Variants in ERC2 observed in about 807,000 individuals in gnomAD.
The protein encoded by ERC2 is ELKS/RAB6-interacting/CAST family member 2.
In ERC2, 42 loss-of-function variants were observed where a neutral mutation model predicts 114.8. The observed-to-expected ratio is 0.37, with a 90% confidence interval of 0.29 to 0.47. The LOEUF is 0.47. Ranked by LOEUF, ERC2 falls within the 20% of genes least tolerant of loss-of-function variation. ERC2 has a pLI of 0.99. For synonymous variants in ERC2, 454 were observed against 425.5 expected, an observed-to-expected ratio of 1.07 and a Z score of -0.82; for missense variants, 939 against 1,150.7, an observed-to-expected ratio of 0.82 and a Z score of 2.66.
At chr3:55,682,667 C>A (rs1053247813) in intron 17 of ERC2, among the ~76,000 whole-genome samples, 1 of 152,140 alleles carries the variant, frequency 6.6e-6, no homozygotes, top group Non-Finnish European at 1.5e-5. Flanking sequence ...TAAGTTATCC[C>A]AAAGAATTGT....
At chr3:56,024,764 A>T (rs1232964264) in intron 7 of ERC2, among the ~76,000 whole-genome samples, 2 of 152,180 alleles carry the variant, frequency 1.3e-5, no homozygotes, top group African/African-American at 4.8e-5. Context: ...TGAGCCAGCA[A>T]ACTCCACCAT....
chr3:55,915,932 A>G (rs2065066842), intron 13 of ERC2, among the ~76,000 whole-genome samples: 1 of 152,218 alleles, frequency 6.6e-6, no homozygotes, highest in South Asian at 2.1e-4. Flanking sequence ...TTTTAAGACA[A>G]AAAAATCACT....
chr3:55,543,348 G>A (rs1438008736), intron 17 of ERC2, among the ~76,000 whole-genome samples: 1 of 152,182 alleles, frequency 6.6e-6, no homozygotes, highest in Non-Finnish European at 1.5e-5. Flanking sequence ...AAGAAATAAA[G>A]AATGGAAATG....
At chr3:56,131,299 G>A (rs1403775410) in intron 6 of ERC2, among the ~76,000 whole-genome samples, 1 of 152,160 alleles carries the variant, frequency 6.6e-6, no homozygotes, top group Non-Finnish European at 1.5e-5. Flanking sequence ...AGCAGGATTA[G>A]GGAGGAAAAA....
chr3:55,961,962 C>CA (rs1003636210), intron 12 of ERC2, among the ~76,000 whole-genome samples: 6 of 152,000 alleles, frequency 3.9e-5, no homozygotes, highest in Admixed American at 2.6e-4. Flanking sequence ...CGCCAAGCCA[C>CA]ACTGGCCTTC....
intron 6 of ERC2, 108 bp downstream of exon 6, chr3:56,139,400 CT>C: frequency 1.9e-6 from 2 of 1,033,944 alleles, no homozygotes; most frequent in East Asian, 5.1e-5. Context: ...CAAAATACAT[CT>C]GGCCCCAAGG....
intron 1 of ERC2, among the ~76,000 whole-genome samples, chr3:56,461,492 G>A (rs1311846201): frequency 6.6e-6 from 1 of 152,224 alleles, no homozygotes; most frequent in East Asian, 1.9e-4. Flanking sequence ...CTCTCACACT[G>A]GAAATCAAAT....
At chr3:55,781,637 C>G (rs557329013) in intron 14 of ERC2, among the ~76,000 whole-genome samples, 4 of 151,712 alleles carry the variant, frequency 2.6e-5, no homozygotes, top group African/African-American at 7.2e-5. Context: ...TTTGGGAGGC[C>G]GAGGGGGGTG....
intron 2 of ERC2, among the ~76,000 whole-genome samples, chr3:56,425,180 T>C (rs1271998179): frequency 1.3e-5 from 2 of 152,010 alleles, no homozygotes; most frequent in Non-Finnish European, 2.9e-5. Flanking sequence ...AGAAACCTCT[T>C]CTCACATAAC....
chr3:56,221,409 A>G (rs1483850231), intron 3 of ERC2, among the ~76,000 whole-genome samples: 1 of 151,220 alleles, frequency 6.6e-6, no homozygotes. Context: ...AAAAAAAAAA[A>G]GTAATTCTTG....
chr3:56,266,149 G>A (rs1410280739), intron 3 of ERC2, among the ~76,000 whole-genome samples: 2 of 45,388 alleles, frequency 4.4e-5, no homozygotes, highest in African/African-American at 1.9e-4. Context: ...TTTTTTTTTT[G>A]AGACGGAGTC....
At chr3:56,033,022 A>ACAG (rs376606499) in intron 7 of ERC2, among the ~76,000 whole-genome samples, 2,206 of 73,910 alleles carry the variant, frequency 0.03, 40 homozygotes, top group African/African-American at 0.039. Flanking sequence ...AAAGAAAGAA[A>ACAG]AAAGAAACAG....
intron 3 of ERC2, among the ~76,000 whole-genome samples, chr3:56,247,499 T>G (rs1196042061): frequency 6.6e-6 from 1 of 152,220 alleles, no homozygotes; most frequent in East Asian, 1.9e-4. Context: ...TTAATTTGCT[T>G]AGTAAATGCT....
chr3:56,147,476 C>T (rs1413341458), intron 5 of ERC2, among the ~76,000 whole-genome samples: 1 of 152,174 alleles, frequency 6.6e-6, no homozygotes, highest in African/African-American at 2.4e-5. Flanking sequence ...TGCATACACA[C>T]ACACACACGC....
In ERC2 at chr3:55,675,705, C is replaced by T. The variant is rs528670893; in HGVS notation, c.*39+8089G>A. 9.9e-5 allele frequency among the ~76,000 whole-genome samples: 15 copies of T among 152,116 alleles called. 2 individuals carry two copies. In the South Asian group the frequency reaches 3.1e-3, roughly 32 times the overall value. On this transcript the variant is annotated intron_variant, in intron 17 of 17. Transcript: ENST00000288221. ...GTATCTATTCTCAGGCTACAAGTCT[C>T]AAAATGAAACCTGTGAGCCTTCTCA...
chr3:55,807,959 A>T lies in ERC2; in HGVS notation c.2565-73041T>A, dbSNP rs188389650. ...GTAAGGCTGCCTTCAGGCTGGAGGG[A>T]GCTCATGCTTTAGCATCAAGGGTTG... On this transcript the variant is annotated intron_variant, in intron 14 of 17. Transcript: ENST00000288221. Among the ~76,000 whole-genome samples, 14 of 152,298 alleles carry T rather than the reference A, an allele frequency of 9.2e-5. No individual in the cohort carries two copies. In the East Asian group the frequency reaches 2.5e-3, roughly 27 times the overall value.
At chr3:55,953,520 C>CT (rs1235901839) in intron 12 of ERC2, among the ~76,000 whole-genome samples, 5 of 152,120 alleles carry the variant, frequency 3.3e-5, no homozygotes, top group African/African-American at 4.8e-5. Context: ...CTTTCTTTTA[C>CT]TTAATGCTTA....
At chr3:56,456,159 A>C (rs372611568) in intron 1 of ERC2, among the ~76,000 whole-genome samples, 40 of 152,346 alleles carry the variant, frequency 2.6e-4, no homozygotes, top group African/African-American at 9.1e-4. Context: ...ACAGTGCATC[A>C]TTTTAACAAA....
At chr3:55,964,818 C>T (rs2068632093) in intron 12 of ERC2, among the ~76,000 whole-genome samples, 1 of 152,156 alleles carries the variant, frequency 6.6e-6, no homozygotes. Context: ...TGGCAGGATT[C>T]CTTTCCTTGC....
Sources: allele counts gnomAD v4.1 joint callset (sites outside exome capture counted in the v4.1 genomes callset), GRCh38; gene constraint gnomAD v4.1.1; transcripts MANE v1.5; gene names NCBI Gene and HGNC (gene_info 2026-07-23, HGNC 2026-07-21).